GSN: variants seen among roughly 807,000 people sequenced by gnomAD.
GSN encodes actin-depolymerizing factor.
GSN carries 56 observed loss-of-function variants against 85.7 expected under a neutral mutation model. That is an observed-to-expected ratio of 0.65 (90% confidence interval 0.53 to 0.82). GSN has a LOEUF of 0.82. GSN is among the 40% of genes least tolerant of loss of function. The pLI is 0.00. For missense variants in GSN, 857 were observed against 979.8 expected, an observed-to-expected ratio of 0.87 and a Z score of 1.67; for synonymous variants, 373 against 399.1, an observed-to-expected ratio of 0.93 and a Z score of 0.78.
chr9:121,318,526 G>T lies in GSN; in HGVS notation c.975+32G>T. The T allele has an allele frequency of 6.4e-7, 1 of 1,562,538 alleles. No homozygotes were observed. Among genetic ancestry groups the T allele is most frequent in the South Asian group, 1.1e-5 (1 of 89,968 alleles). On this transcript the variant is annotated intron_variant, in intron 9 of 17. Coordinates refer to ENST00000432226, the MANE Select transcript of GSN (RefSeq NM_198252.3). This position sits in a 1 kb window ranked among gnomAD's most constrained non-coding sequence, Gnocchi z 4.3. Reference sequence around the variant, plus strand: ...CTTGGAGGCCAGGTAGGATGGGAAGGGGTGGGTCCTGTTTGGAGGGGATGG... The same window carrying T: ...CTTGGAGGCCAGGTAGGATGGGAAGTGGTGGGTCCTGTTTGGAGGGGATGG...
At chr9:121,284,659 C>T (rs1260090778) in intron 2 of GSN, 1 of 167,114 alleles carries the variant, frequency 6.0e-6, no homozygotes, top group Non-Finnish European at 1.5e-5. Context: ...CGCCTGGGGG[C>T]TAGTGAGCAG....
rs539998674 is a variant in GSN at position 121,332,608 on chromosome 9, G to A, written c.*5G>A. 1.9e-6 allele frequency: 3 copies of A among 1,611,642 alleles called. No homozygotes were observed. The highest frequency in any genetic ancestry group is 2.7e-5 in the African/African-American group (2 of 74,964). On this transcript the variant is annotated 3_prime_UTR_variant, in exon 18 of 18. Coordinates refer to ENST00000432226, the MANE Select transcript of GSN (RefSeq NM_198252.3). The surrounding 1 kb of genome is among the most constrained non-coding windows in gnomAD (Gnocchi z 4.8). Reference sequence around the variant, plus strand: ...ATGGCTGAGCTGGCTGCCTGAGGAGGGGCAGGGCCCACCCATGTCACCGGT... The same window carrying A: ...ATGGCTGAGCTGGCTGCCTGAGGAGAGGCAGGGCCCACCCATGTCACCGGT...
intron 4 of GSN, among the ~76,000 whole-genome samples, chr9:121,211,598 A>G (rs1162778078): frequency 2.0e-5 from 3 of 152,178 alleles, no homozygotes; most frequent in Non-Finnish European, 4.4e-5. Flanking sequence ...TGGGAATGAG[A>G]GCTTGAGGTT....
intron 4 of GSN, among the ~76,000 whole-genome samples, chr9:121,220,962 A>G (rs2054158441): frequency 6.6e-6 from 1 of 152,228 alleles, no homozygotes; most frequent in African/African-American, 2.4e-5. Context: ...CAATGGTGTG[A>G]TTCGTTTGTT....
rs1052719934 is a variant in GSN, at chr9:121,261,671, G to T, written c.-340-3483G>T. On this transcript the variant is annotated intron_variant, in intron 6 of 24. Coordinates refer to the GSN transcript ENST00000373823. This position sits in a 1 kb window ranked among gnomAD's most constrained non-coding sequence, Gnocchi z 4.1. The stretch of plus-strand genomic sequence containing the variant: ...CCCATCCATCTTGCCATATGGCTTG[G>T]TCTCCCGTAACTCAGTGGATGTACC... Among the ~76,000 whole-genome samples, 3 of 152,086 alleles carry T rather than the reference G, an allele frequency of 2.0e-5. No homozygotes were observed. The highest frequency in any genetic ancestry group is 7.2e-5 in the African/African-American group (3 of 41,392).
intron 1 of GSN, chr9:121,281,144 A>C (rs1293761565): frequency 6.1e-6 from 1 of 164,180 alleles, no homozygotes; most frequent in Non-Finnish European, 1.4e-5. Flanking sequence ...ACTGTCTTCA[A>C]ATCTCCAAAG....
At chr9:121,294,619 G>A (rs551482880) in intron 2 of GSN, among the ~76,000 whole-genome samples, 3 of 152,160 alleles carry the variant, frequency 2.0e-5, no homozygotes, top group Non-Finnish European at 4.4e-5. Flanking sequence ...GCCAAGCCCC[G>A]CTGGCCATCT....
chr9:121,247,234 C>T (rs551745607), intron 5 of GSN, among the ~76,000 whole-genome samples: 1 of 152,246 alleles, frequency 6.6e-6, no homozygotes, highest in South Asian at 2.1e-4. Context: ...CAGGAACCAG[C>T]CAGACCAGAG....
At chr9:121,254,249 C>A (rs2054900239) in intron 6 of GSN, among the ~76,000 whole-genome samples, 2 of 152,216 alleles carry the variant, frequency 1.3e-5, no homozygotes, top group Admixed American at 1.3e-4. Flanking sequence ...CAAAACAGCT[C>A]AGCTTTGATC....
intron 4 of GSN, among the ~76,000 whole-genome samples, chr9:121,305,726 T>C (rs1207759336): frequency 6.6e-6 from 1 of 152,212 alleles, no homozygotes; most frequent in Non-Finnish European, 1.5e-5. Flanking sequence ...ATTTGGGGCT[T>C]CTGTCCTGAA....
Position 121,331,455 on chromosome 9 carries a change from A to AT in GSN, c.2026+7_2026+8insT. ...ACAGAAGCCTTGACTTCTGGTGAGG[A>AT]CCCGAGTGCCTGGGGGCGGGGGGAG... On this transcript the variant is annotated splice_region_variant and intron_variant, in intron 17 of 17. Transcript: ENST00000432226. 1.0e-6 allele frequency: 1 copy of AT among 980,424 alleles called. No homozygotes were observed. The highest frequency in any genetic ancestry group is 1.5e-6 in the Non-Finnish European group (1 of 682,474). The allele number at this position is 980,424 out of a possible 1,614,324, so 60.7% of individuals were successfully genotyped here. A position where few individuals can be genotyped will look rare whatever the true frequency, so the allele number is the denominator to read the frequency against.
intron 4 of GSN, among the ~76,000 whole-genome samples, chr9:121,227,346 G>C (rs1160636558): frequency 6.6e-6 from 1 of 151,812 alleles, no homozygotes; most frequent in Non-Finnish European, 1.5e-5. Flanking sequence ...GTGAGCCGAG[G>C]TGGCGCCACT....
Position 121,330,379 on chromosome 9 carries a change from C to T in GSN, c.1966-1009C>T, listed in dbSNP as rs2063751004. ...CTTGAGGTCAGGAGTTCAAGACCAG[C>T]CTGGCCAACATGGTGAAACCCCATC... On this transcript the variant is annotated intron_variant, in intron 16 of 17. Transcript: ENST00000432226. Among the ~76,000 whole-genome samples the T allele has an allele frequency of 2.0e-5, 3 of 152,318 alleles. No individual in the cohort carries two copies. The South Asian group carries it at 6.2e-4, about 32-fold the overall frequency.
In GSN at chr9:121,332,544, G is replaced by T. The variant is rs761467289; in HGVS notation, c.2137G>T (p.Asp713Tyr). 3 of 1,614,184 alleles carry T rather than the reference G, an allele frequency of 1.9e-6. No individual in the cohort carries two copies. The highest frequency in any genetic ancestry group is 2.5e-6 in the Non-Finnish European group (3 of 1,180,022). The change falls in exon 18 of 18, where the codon GAT (aspartate) becomes TAT (tyrosine). Residue 713 changes from aspartate (D) to tyrosine (Y), a missense_variant. Asp to Tyr is a radical substitution (Grantham distance 160). Transcript: ENST00000432226. The surrounding 1 kb of genome is among the most constrained non-coding windows in gnomAD (Gnocchi z 4.8). ...CTTTGTGGGCTGGTTCCTTGGCTGGGATGATGATTACTGGTCTGTGGACCC... is the reference window on the plus strand; with the variant it reads ...CTTTGTGGGCTGGTTCCTTGGCTGGTATGATGATTACTGGTCTGTGGACCC... ...PSFVGWFLGWDDDYWSVDPLD... is the reference protein window; with the variant it reads ...PSFVGWFLGWYDDYWSVDPLD...
the GSN span, among the ~76,000 whole-genome samples, chr9:121,202,146 T>G: frequency 1.3e-5 from 2 of 152,220 alleles, no homozygotes; most frequent in African/African-American, 2.4e-5. Context: ...TGCGCAGGTC[T>G]GCGTGGAACC....
chr9:121,252,225 A>G (rs1049554754), intron 6 of GSN, among the ~76,000 whole-genome samples: 1 of 152,102 alleles, frequency 6.6e-6, no homozygotes, highest in Non-Finnish European at 1.5e-5. Context: ...TTAAAAGGAG[A>G]AGTAGAATTT....
intron 6 of GSN, among the ~76,000 whole-genome samples, chr9:121,262,374 G>T (rs535782132): frequency 6.6e-6 from 1 of 152,286 alleles, no homozygotes; most frequent in Non-Finnish European, 1.5e-5. Flanking sequence ...TGTAAAATTG[G>T]AGACAAGAAT....
chr9:121,253,149 CAT>C (rs1189999625), intron 6 of GSN, among the ~76,000 whole-genome samples: 1 of 152,200 alleles, frequency 6.6e-6, no homozygotes, highest in Non-Finnish European at 1.5e-5. Flanking sequence ...GCTCTACTCT[CAT>C]AACCGAATTA....
intron 5 of GSN, among the ~76,000 whole-genome samples, chr9:121,236,820 G>A (rs1056152035): frequency 6.6e-6 from 1 of 152,226 alleles, no homozygotes; most frequent in Admixed American, 6.5e-5. Flanking sequence ...GGCAGAGGTA[G>A]GTCCGAAAGC....
Sources: allele counts gnomAD v4.1 joint callset (sites outside exome capture counted in the v4.1 genomes callset), GRCh38; gene constraint gnomAD v4.1.1; non-coding constraint Gnocchi (gnomAD v3.1); transcripts MANE v1.5; gene names NCBI Gene and HGNC (gene_info 2026-07-23, HGNC 2026-07-21).